RBFOX1: variants seen among roughly 807,000 people sequenced by gnomAD.
RBFOX1 encodes the protein RNA binding protein fox-1 homolog 1.
RBFOX1 carries 8 observed loss-of-function variants against 57.7 expected under a neutral mutation model. The ratio of observed to expected loss-of-function variants is 0.14; its 90% CI spans 0.08 to 0.25. The LOEUF (loss-of-function observed/expected upper bound fraction) is 0.25, where lower values mean the gene tolerates loss of function less well. Among genes scored for constraint, RBFOX1 ranks in the 10% least tolerant of loss-of-function variants. RBFOX1 has a pLI of 1.00. For synonymous variants in RBFOX1, 326 were observed against 222.4 expected (o/e 1.47, Z -4.15); for missense variants, 611 against 548.5 (o/e 1.11, Z -1.14).
chr16:6,270,120 A>G (rs1223279046), intron 1 of RBFOX1, among the ~76,000 whole-genome samples: 2 of 152,156 alleles, frequency 1.3e-5, no homozygotes, highest in Non-Finnish European at 2.9e-5. Flanking sequence ...TTAAAATTTA[A>G]TTATGAAAAT....
At chr16:6,436,392 C>A (rs140757791) in intron 2 of RBFOX1, among the ~76,000 whole-genome samples, 2 of 152,072 alleles carry the variant, frequency 1.3e-5, no homozygotes, top group East Asian at 3.9e-4. Flanking sequence ...CTGTCCTGTG[C>A]TAGGCTCTTG....
chr16:7,040,690 G>A (rs1275826971), intron 3 of RBFOX1, among the ~76,000 whole-genome samples: 1 of 152,116 alleles, frequency 6.6e-6, no homozygotes, highest in Non-Finnish European at 1.5e-5. Flanking sequence ...CCTTGTGTGT[G>A]TGCATAGTTT....
At chr16:6,275,616 T>C (rs1034748385) in intron 1 of RBFOX1, among the ~76,000 whole-genome samples, 1 of 152,228 alleles carries the variant, frequency 6.6e-6, no homozygotes, top group Non-Finnish European at 1.5e-5. Context: ...TCCTAAAGTC[T>C]ATATTTATTT....
At chr16:6,896,937 ACT>A (rs757679427) in intron 3 of RBFOX1, among the ~76,000 whole-genome samples, 48 of 151,992 alleles carry the variant, frequency 3.2e-4, no homozygotes, top group Non-Finnish European at 5.0e-4. Context: ...AAGCAAAGAA[ACT>A]CTGCCACAAC....
Position 5,347,442 on chromosome 16 carries a change from G to A in RBFOX1, c.219+107337G>A, listed in dbSNP as rs183851352. Among the ~76,000 whole-genome samples the A allele has an allele frequency of 1.2e-4, 19 of 152,216 alleles. No homozygotes were observed. The East Asian group carries it at 3.5e-3, about 28-fold the overall frequency. ...GTGTACAAGATGCCTGTTTAGAAAT[G>A]ACAAAGCACTAAATAAGCAGAAGAG... On this transcript the variant is annotated intron_variant, in intron 1 of 2. Coordinates refer to the RBFOX1 transcript ENST00000585867.
intron 4 of RBFOX1, among the ~76,000 whole-genome samples, chr16:7,273,968 C>T (rs1004848384): frequency 6.6e-6 from 1 of 152,136 alleles, no homozygotes. Context: ...TATTAAATCC[C>T]CAAGGATAGT....
chr16:6,831,434 C>T (rs1429204492), intron 3 of RBFOX1, among the ~76,000 whole-genome samples: 4 of 152,164 alleles, frequency 2.6e-5, no homozygotes, highest in Non-Finnish European at 5.9e-5. Flanking sequence ...ACATATTTAA[C>T]CACATAATTA....
At chr16:5,286,188 C>T (rs2063390541) in intron 1 of RBFOX1, among the ~76,000 whole-genome samples, 1 of 152,162 alleles carries the variant, frequency 6.6e-6, no homozygotes, top group South Asian at 2.1e-4. Flanking sequence ...ATACTAGGGA[C>T]CATGGGCAGT....
At chr16:5,744,614 G>C (rs750532414) in intron 3 of RBFOX1, among the ~76,000 whole-genome samples, 2 of 152,092 alleles carry the variant, frequency 1.3e-5, no homozygotes, top group Non-Finnish European at 2.9e-5. Flanking sequence ...GTGAGGAGTG[G>C]GGAAGGGAGA....
intron 4 of RBFOX1, among the ~76,000 whole-genome samples, chr16:7,269,554 G>C (rs940819860): frequency 6.6e-6 from 1 of 152,088 alleles, no homozygotes; most frequent in South Asian, 2.1e-4. Flanking sequence ...TTTTTACTTG[G>C]TATTAAAATG....
chr16:6,696,435 C>G (rs192127235), intron 3 of RBFOX1, among the ~76,000 whole-genome samples: 6 of 152,064 alleles, frequency 3.9e-5, no homozygotes, highest in Non-Finnish European at 8.8e-5. Flanking sequence ...CTTTTTCATC[C>G]CCTCTGAAAT....
chr16:7,438,534 C>T (rs1365987778), intron 4 of RBFOX1, among the ~76,000 whole-genome samples: 9 of 152,112 alleles, frequency 5.9e-5, no homozygotes, highest in South Asian at 4.1e-4. Context: ...TTTAGAAGGG[C>T]GTAATTCGTC....
At chr16:5,902,735 A>G (rs1395499580) in intron 4 of RBFOX1, among the ~76,000 whole-genome samples, 1 of 152,130 alleles carries the variant, frequency 6.6e-6, no homozygotes, top group African/African-American at 2.4e-5. Context: ...CATAGAGGAC[A>G]AGAAGCCTTC....
chr16:6,829,492 A>AC (rs1285494524), intron 3 of RBFOX1, among the ~76,000 whole-genome samples: 3 of 151,254 alleles, frequency 2.0e-5, no homozygotes, highest in Admixed American at 6.7e-5. Context: ...AAAAAAAAAA[A>AC]AAACAAAAAA....
chr16:6,511,151 G>A lies in RBFOX1; in HGVS notation c.-63-143452G>A, dbSNP rs1012531462. Among the ~76,000 whole-genome samples, 3 of 152,074 alleles carry A rather than the reference G, an allele frequency of 2.0e-5. No individual in the cohort carries two copies. The South Asian group carries it at 6.2e-4, about 32-fold the overall frequency. On this transcript the variant is annotated intron_variant, in intron 2 of 15. Coordinates refer to ENST00000550418, the MANE Select transcript of RBFOX1 (RefSeq NM_018723.4). ...AGCCCAGTGTGCCTCCTGGTGTTAC[G>A]CTGGGTTGGTGGAAAAGCCTCTGGA...
At chr16:6,593,821 A>G (rs1348164240) in intron 2 of RBFOX1, among the ~76,000 whole-genome samples, 1 of 152,210 alleles carries the variant, frequency 6.6e-6, no homozygotes, top group African/African-American at 2.4e-5. Context: ...AATGAGGACT[A>G]CGGATATGGC....
intron 3 of RBFOX1, among the ~76,000 whole-genome samples, chr16:6,891,968 T>G (rs1195757594): frequency 6.6e-6 from 1 of 152,190 alleles, no homozygotes; most frequent in Non-Finnish European, 1.5e-5. Context: ...GTATTAACAT[T>G]TGCATTTTGA....
chr16:6,917,140 T>C (rs1055499245), intron 3 of RBFOX1, among the ~76,000 whole-genome samples: 1 of 152,200 alleles, frequency 6.6e-6, no homozygotes, highest in Non-Finnish European at 1.5e-5. Context: ...TGTGAGCCAC[T>C]GTACCCAGCC....
chr16:6,499,950 C>G (rs2095867267), intron 2 of RBFOX1, among the ~76,000 whole-genome samples: 1 of 152,170 alleles, frequency 6.6e-6, no homozygotes, highest in African/African-American at 2.4e-5. Flanking sequence ...AGGGCTTTCT[C>G]TGATGTTTAC....
Sources: allele counts gnomAD v4.1 joint callset (sites outside exome capture counted in the v4.1 genomes callset), GRCh38; gene constraint gnomAD v4.1.1; transcripts MANE v1.5; gene names NCBI Gene and HGNC (gene_info 2026-07-23, HGNC 2026-07-21).